Variants in TGS1 observed in about 807,000 individuals in gnomAD.
TGS1 encodes the protein trimethylguanosine synthase 1.
TGS1 carries 69 observed loss-of-function variants against 92.2 expected under a neutral mutation model. That is an observed-to-expected ratio of 0.75 (90% confidence interval 0.62 to 0.91). The LOEUF is 0.91. Among genes scored for constraint, TGS1 ranks in the 40% least tolerant of loss-of-function variants. The pLI, the probability that TGS1 is intolerant of heterozygous loss-of-function variation, is 0.00. For missense variants in TGS1, 1,062 were observed against 1,001.2 expected (o/e 1.06, Z -0.82); for synonymous variants, 345 against 338.1 (o/e 1.02, Z -0.22).
At chr8:55,795,824 G>C (rs547969482) in intron 6 of TGS1, among the ~76,000 whole-genome samples, 154 bp from the exon 7 acceptor site, 55 of 152,276 alleles carry the variant, frequency 3.6e-4, no homozygotes, top group African/African-American at 1.3e-3. Context: ...CAACTCTTCT[G>C]CAAGTTGAAC....
chr8:55,812,024 G>A (rs1220798515), intron 11 of TGS1, among the ~76,000 whole-genome samples: 9 of 151,984 alleles, frequency 5.9e-5, no homozygotes, highest in Admixed American at 5.9e-4. Flanking sequence ...GGAGTTTGTC[G>A]GTAACCATTC....
chr8:55,773,645 G>A lies in TGS1; in HGVS notation c.27G>A (p.Val9=). The part of the protein sequence containing the change: MCCEKWSR[V]AEMFLFIEER... ...TGTGCTGCGAGAAGTGGAGCCGCGT[G>A]GCGGAAATGTTTCTCTTCATTGAGG... Residue 9 remains valine (V), a synonymous_variant, in exon 1 of 13, where the codon GTG becomes GTA. Coordinates refer to ENST00000260129, the MANE Select transcript of TGS1 (RefSeq NM_024831.8). 1.9e-6 allele frequency: 3 copies of A among 1,611,246 alleles called. No individual in the cohort carries two copies. The highest frequency in any genetic ancestry group is 2.5e-6 in the Non-Finnish European group (3 of 1,178,914).
chr8:55,776,358 G>A lies in TGS1; in HGVS notation c.101+2639G>A, dbSNP rs145617274. 2.3e-4 allele frequency among the ~76,000 whole-genome samples: 33 copies of A among 146,118 alleles called. 1 individual carries two copies. The East Asian group carries it at 6.6e-3, about 29-fold the overall frequency. On this transcript the variant is annotated intron_variant, in intron 1 of 12. Coordinates refer to ENST00000260129, the MANE Select transcript of TGS1 (RefSeq NM_024831.8). The stretch of plus-strand genomic sequence containing the variant: ...TGCAGTGGCGAGATCTCTGCTCACT[G>A]CAAGCTCCACCCCCTGGGTTCACGC...
At chr8:55,792,399 T>C (rs899529644) in intron 5 of TGS1, among the ~76,000 whole-genome samples, 3 of 152,218 alleles carry the variant, frequency 2.0e-5, no homozygotes, top group African/African-American at 7.2e-5. Context: ...TTACTGATGT[T>C]TTTCCAAAGG....
At chr8:55,781,799 C>A (rs1811570918) in intron 1 of TGS1, among the ~76,000 whole-genome samples, 1 of 152,198 alleles carries the variant, frequency 6.6e-6, no homozygotes, top group South Asian at 2.1e-4. Flanking sequence ...TATTGTAGCT[C>A]CATTAGAAAA....
chr8:55,801,234 T>C (rs1293537683), intron 8 of TGS1, among the ~76,000 whole-genome samples: 2 of 152,254 alleles, frequency 1.3e-5, no homozygotes, highest in Non-Finnish European at 2.9e-5. Context: ...GTCACTGCTG[T>C]GAATTAAGTT....
At position 55,773,749 on chromosome 8, in the gene TGS1, C is replaced by A; in HGVS notation, c.101+30C>A. 4 of 1,548,330 alleles carry A rather than the reference C, an allele frequency of 2.6e-6. No individual in the cohort carries two copies. The South Asian group carries it at 3.4e-5, about 13-fold the overall frequency. On this transcript the variant is annotated intron_variant, in intron 1 of 12. Coordinates refer to ENST00000260129, the MANE Select transcript of TGS1 (RefSeq NM_024831.8). ...GTAGAAAAGAGAATCTCTTCATGTT[C>A]TAGCACAGTCATTACCCAGAAATGT...
intron 1 of TGS1, among the ~76,000 whole-genome samples, chr8:55,782,361 A>G (rs942502555): frequency 4.6e-5 from 7 of 151,850 alleles, no homozygotes; most frequent in African/African-American, 1.7e-4. Context: ...TGTGTTTTCG[A>G]TAGAGATGGG....
intron 12 of TGS1, among the ~76,000 whole-genome samples, chr8:55,813,723 C>CT (rs1469300744): frequency 1.3e-5 from 2 of 152,038 alleles, no homozygotes; most frequent in African/African-American, 2.4e-5. Context: ...TTCTCATTGT[C>CT]TTTTTTCCTT....
intron 2 of TGS1, among the ~76,000 whole-genome samples, chr8:55,783,773 G>A (rs893523694): frequency 6.6e-6 from 1 of 152,202 alleles, no homozygotes; most frequent in Non-Finnish European, 1.5e-5. Context: ...CTCTCATGGC[G>A]ATGGAACAAA....
At position 55,799,087 on chromosome 8, in the gene TGS1, G is replaced by T; in HGVS notation, c.1716G>T (p.Lys572Asn). 6.2e-7 allele frequency: 1 copy of T among 1,614,174 alleles called. No individual in the cohort carries two copies. Among genetic ancestry groups the T allele is most frequent in the Non-Finnish European group, 8.5e-7 (1 of 1,180,044 alleles). ...LLETNNPEPE[K>N]CQSVSSAGEL... ...AGACTAATAATCCAGAACCTGAAAA[G>T]TGTCAGAGCGTATCTTCAGCTGGTG... The change falls in exon 8 of 13, where the codon AAG (lysine) becomes AAT (asparagine). Residue 572 changes from lysine (K) to asparagine (N), a missense_variant. Coordinates refer to ENST00000260129, the MANE Select transcript of TGS1 (RefSeq NM_024831.8).
At chr8:55,813,939 G>T (rs1396397759) in intron 12 of TGS1, among the ~76,000 whole-genome samples, 1 of 151,738 alleles carries the variant, frequency 6.6e-6, no homozygotes, top group South Asian at 2.1e-4. Flanking sequence ...CGCTTTTTTT[G>T]TTGTTGTTTT....
chr8:55,774,417 A>T (rs1282797023), intron 1 of TGS1, among the ~76,000 whole-genome samples: 3 of 152,198 alleles, frequency 2.0e-5, no homozygotes, highest in African/African-American at 7.2e-5. Context: ...GTGGAAGTGA[A>T]TTTTATGTGA....
At chr8:55,792,302 T>C (rs1291552587) in intron 5 of TGS1, among the ~76,000 whole-genome samples, 1 of 152,228 alleles carries the variant, frequency 6.6e-6, no homozygotes, top group African/African-American at 2.4e-5. Flanking sequence ...TTGGATTGTA[T>C]TGATACTTAT....
intron 8 of TGS1, among the ~76,000 whole-genome samples, chr8:55,800,296 G>T (rs546462600): frequency 1.3e-5 from 2 of 152,142 alleles, no homozygotes; most frequent in African/African-American, 4.8e-5. Context: ...GACATTTGTA[G>T]GTTTGTGAAA....
chr8:55,790,532 C>T (rs1368372935), intron 5 of TGS1, among the ~76,000 whole-genome samples: 1 of 150,630 alleles, frequency 6.6e-6, no homozygotes, highest in East Asian at 1.9e-4. Flanking sequence ...GACATGGTCT[C>T]GCTTTATTGC....
intron 12 of TGS1, among the ~76,000 whole-genome samples, chr8:55,822,710 G>T (rs1220636075): frequency 7.0e-6 from 1 of 142,952 alleles, no homozygotes; most frequent in Non-Finnish European, 1.5e-5. Flanking sequence ...AAAAAATAGT[G>T]GGGGGGGTGC....
chr8:55,819,880 G>A (rs1226163077), intron 12 of TGS1, among the ~76,000 whole-genome samples: 1 of 152,128 alleles, frequency 6.6e-6, no homozygotes, highest in African/African-American at 2.4e-5. Context: ...AAGAAAAGAG[G>A]GACAAAAATA....
chr8:55,810,987 G>A lies in TGS1; in HGVS notation c.2250G>A (p.Leu750=). ...KIEFICGDFL[L]LASFLKADVV... The stretch of plus-strand genomic sequence containing the variant: ...AGTTCATCTGTGGAGATTTCTTGCT[G>A]CTGGCTTCTTTTTTAAAGGCTGATG... The change falls in exon 11 of 13, where the codon CTG becomes CTA. Residue 750 remains leucine, a synonymous_variant. Transcript: ENST00000260129. 1.2e-6 allele frequency: 2 copies of A among 1,614,168 alleles called. No homozygotes were observed. Among genetic ancestry groups the A allele is most frequent in the Non-Finnish European group, 1.7e-6 (2 of 1,180,020 alleles).
Sources: allele counts gnomAD v4.1 joint callset (sites outside exome capture counted in the v4.1 genomes callset), GRCh38; gene constraint gnomAD v4.1.1; transcripts MANE v1.5; gene names NCBI Gene and HGNC (gene_info 2026-07-23, HGNC 2026-07-21).